MAPK8: variants seen among roughly 807,000 people sequenced by gnomAD.
The protein encoded by MAPK8 is JUN N-terminal kinase.
MAPK8 carries 13 observed loss-of-function variants against 52.9 expected under a neutral mutation model. The ratio of observed to expected loss-of-function variants is 0.25; its 90% CI spans 0.16 to 0.39. The LOEUF (loss-of-function observed/expected upper bound fraction) is 0.39, where lower values mean the gene tolerates loss of function less well. Among genes scored for constraint, MAPK8 ranks in the 10% least tolerant of loss-of-function variants. The pLI, the probability that MAPK8 is intolerant of heterozygous loss-of-function variation, is 1.00. For missense variants in MAPK8, 300 were observed against 519.2 expected (o/e 0.58, Z 4.10); for synonymous variants, 191 against 169.8 (o/e 1.12, Z -0.97).
At chr10:48,422,005 TCTTATTTA>T (rs773025726) in intron 6 of MAPK8, among the ~76,000 whole-genome samples, 24 of 107,988 alleles carry the variant, frequency 2.2e-4, no homozygotes, top group South Asian at 6.8e-4. Context: ...ATTTTATTTA[TCTTATTTA>T]TTTATTTATT....
At chr10:48,324,201 A>C (rs1365137157) in intron 1 of MAPK8, among the ~76,000 whole-genome samples, 1 of 152,236 alleles carries the variant, frequency 6.6e-6, no homozygotes, top group Non-Finnish European at 1.5e-5. Context: ...TATCTAGTTC[A>C]TATTCAAGTT....
intron 1 of MAPK8, among the ~76,000 whole-genome samples, chr10:48,318,868 A>C (rs1842739355): frequency 6.6e-6 from 1 of 152,212 alleles, no homozygotes; most frequent in Admixed American, 6.5e-5. Context: ...GCTTGTCACA[A>C]ATTGGGAATT....
intron 1 of MAPK8, among the ~76,000 whole-genome samples, chr10:48,389,552 A>ATCTTTC (rs1462186834): frequency 1.3e-5 from 2 of 152,304 alleles, no homozygotes; most frequent in South Asian, 4.1e-4. Context: ...AAGATTAATC[A>ATCTTTC]TCTTTCTCTT....
chr10:48,356,063 T>G (rs981782678), intron 1 of MAPK8, among the ~76,000 whole-genome samples: 14 of 117,386 alleles, frequency 1.2e-4, no homozygotes, highest in Non-Finnish European at 6.1e-5. Context: ...GTGTGTACTC[T>G]AGGCATGAAG....
chr10:48,319,335 C>T (rs1373326199), intron 1 of MAPK8, among the ~76,000 whole-genome samples: 1 of 152,114 alleles, frequency 6.6e-6, no homozygotes, highest in Non-Finnish European at 1.5e-5. Context: ...GAGCCATCAT[C>T]ACAGCCTAAC....
At chr10:48,382,122 C>G (rs1031036127) in intron 1 of MAPK8, among the ~76,000 whole-genome samples, 2 of 152,128 alleles carry the variant, frequency 1.3e-5, no homozygotes, top group African/African-American at 4.8e-5. Flanking sequence ...GAGTCTAATA[C>G]ATAAGCTCAC....
At chr10:48,429,104 T>C (rs1040348343) in intron 10 of MAPK8, among the ~76,000 whole-genome samples, 2 of 151,916 alleles carry the variant, frequency 1.3e-5, no homozygotes, top group Non-Finnish European at 2.9e-5. Flanking sequence ...TTATAAGTCT[T>C]AAGCCACTGC....
chr10:48,409,970 G>T (rs1400230481), intron 4 of MAPK8, 33 bp downstream of exon 4: 2 of 1,608,080 alleles, frequency 1.2e-6, no homozygotes. Context: ...TGTTAAGTTA[G>T]TACATTTTTC....
chr10:48,334,882 A>G (rs1482811327), intron 1 of MAPK8, among the ~76,000 whole-genome samples: 1 of 152,158 alleles, frequency 6.6e-6, no homozygotes, highest in Non-Finnish European at 1.5e-5. Context: ...CTAGCACGCA[A>G]GTCTCTCCCC....
intron 1 of MAPK8, among the ~76,000 whole-genome samples, chr10:48,392,433 A>G (rs916430523): frequency 2.0e-5 from 3 of 152,050 alleles, no homozygotes; most frequent in African/African-American, 7.2e-5. Context: ...CTATATATAC[A>G]ATACATAGAA....
intron 2 of MAPK8, among the ~76,000 whole-genome samples, chr10:48,403,817 T>G (rs11598434): frequency 6.6e-6 from 1 of 151,284 alleles, no homozygotes; most frequent in Non-Finnish European, 1.5e-5. Flanking sequence ...GGCGTGATCT[T>G]GGCTCACTGC....
chr10:48,424,029 T>G (rs2087610166), intron 6 of MAPK8, 59 bp from the exon 7 acceptor site: 11 of 1,355,688 alleles, frequency 8.1e-6, no homozygotes, highest in South Asian at 2.5e-5. Flanking sequence ...ATATTATGCT[T>G]CTTTGATTTT....
chr10:48,355,135 A>G (rs1360203861), intron 1 of MAPK8, among the ~76,000 whole-genome samples: 1 of 152,248 alleles, frequency 6.6e-6, no homozygotes, highest in African/African-American at 2.4e-5. Context: ...TTCAGAAACT[A>G]TAAAGACTAT....
chr10:48,402,231 A>G (rs543452065), intron 2 of MAPK8, among the ~76,000 whole-genome samples: 1 of 152,330 alleles, frequency 6.6e-6, no homozygotes, highest in South Asian at 2.1e-4. Context: ...ATAAACTATG[A>G]TTAAATACTT....
intron 1 of MAPK8, among the ~76,000 whole-genome samples, chr10:48,379,477 G>A (rs1295346335): frequency 1.3e-5 from 2 of 152,136 alleles, no homozygotes; most frequent in East Asian, 3.8e-4. Flanking sequence ...TGTCATAAAT[G>A]TCATAAAATA....
intron 1 of MAPK8, among the ~76,000 whole-genome samples, chr10:48,355,874 G>A (rs1456237762): frequency 1.3e-5 from 2 of 152,084 alleles, no homozygotes; most frequent in African/African-American, 4.8e-5. Context: ...ATATATCTGG[G>A]GAGGAAGACA....
At position 48,332,768 on chromosome 10, in the gene MAPK8, T is replaced by C. The variant is rs12415549; in HGVS notation, c.-50+25947T>C. ...TAAAACCTGTTTGGCCAGTTCCAAATGTACCAATTATTTTCTCCTGCTATT... is the reference window on the plus strand; with the variant it reads ...TAAAACCTGTTTGGCCAGTTCCAAACGTACCAATTATTTTCTCCTGCTATT... On this transcript the variant is annotated intron_variant, in intron 1 of 11. Transcript: ENST00000374189. Among the ~76,000 whole-genome samples the C allele has an allele frequency of 2.8e-3, 427 of 152,346 alleles. 5 individuals carry two copies. Among genetic ancestry groups the C allele is most frequent in the Admixed American group, 0.021 (316 of 15,310 alleles).
At chr10:48,399,616 C>T (rs2042057060) in intron 1 of MAPK8, among the ~76,000 whole-genome samples, 1 of 152,246 alleles carries the variant, frequency 6.6e-6, no homozygotes, top group South Asian at 2.1e-4. Flanking sequence ...ACCTGCCCTA[C>T]TGCATGCATG....
intron 1 of MAPK8, among the ~76,000 whole-genome samples, chr10:48,316,365 C>G (rs1262060134): frequency 1.3e-5 from 2 of 152,134 alleles, no homozygotes. Flanking sequence ...GTATGTTGTA[C>G]TATCTAGGTT....
Sources: gnomAD v4.1 joint callset for allele counts (sites outside exome capture counted in the v4.1 genomes callset) on GRCh38, gnomAD v4.1.1 for gene constraint, MANE v1.5 for transcripts, NCBI Gene and HGNC (gene_info 2026-07-23, HGNC 2026-07-21) for gene names.